NTSR1: variants seen among roughly 807,000 people sequenced by gnomAD.
NTSR1 encodes the protein neurotensin receptor type 1.
A neutral mutation model predicts 31.2 loss-of-function variants in NTSR1; 29 were observed. The ratio of observed to expected loss-of-function variants is 0.93; its 90% CI spans 0.69 to 1.27. The LOEUF is 1.27. Among genes scored for constraint, NTSR1 ranks in the 50% most tolerant of loss-of-function variants. NTSR1 has a pLI of 0.00. For missense variants in NTSR1, 697 were observed against 595.4 expected, an observed-to-expected ratio of 1.17 and a Z score of -1.78; for synonymous variants, 282 against 269.9, an observed-to-expected ratio of 1.04 and a Z score of -0.44.
In NTSR1 at chr20:62,743,569, C is replaced by A. The variant is rs911168783; in HGVS notation, c.715-11116C>A. On this transcript the variant is annotated intron_variant, in intron 1 of 3. Coordinates refer to ENST00000370501, the MANE Select transcript of NTSR1 (RefSeq NM_002531.3). This position sits in a 1 kb window ranked among gnomAD's most constrained non-coding sequence, Gnocchi z 7.5. Reference sequence around the variant, plus strand: ...AGCAAGGCCACCCCAGCGGTCACCCCCTTGGGAGGGTGTGGACAGGAGCCT... The same window carrying A: ...AGCAAGGCCACCCCAGCGGTCACCCACTTGGGAGGGTGTGGACAGGAGCCT... 6.6e-6 allele frequency among the ~76,000 whole-genome samples: 1 copy of A among 152,180 alleles called. No homozygotes were observed. Among genetic ancestry groups the A allele is most frequent in the Non-Finnish European group, 1.5e-5 (1 of 68,020 alleles).
At chr20:62,748,520 T>C (rs891558362) in intron 1 of NTSR1, among the ~76,000 whole-genome samples, 12 of 152,194 alleles carry the variant, frequency 7.9e-5, no homozygotes, top group Non-Finnish European at 1.6e-4. Context: ...CACTTCCTAA[T>C]TTCCTTTTAT....
intron 1 of NTSR1, among the ~76,000 whole-genome samples, chr20:62,717,300 G>A (rs1244907013): frequency 6.6e-6 from 1 of 152,252 alleles, no homozygotes. Context: ...ACCTGTGGGG[G>A]CTGTGTCCTA....
rs1032106259 is a variant in NTSR1 at position 62,709,050 on chromosome 20, G to A, written c.-158G>A. 7.5e-6 allele frequency: 4 copies of A among 532,590 alleles called. No homozygotes were observed. The highest frequency in any genetic ancestry group is 4.0e-5 in the African/African-American group (2 of 49,624). The allele number at this position is 532,590 out of a possible 1,614,324, so 33.0% of individuals were successfully genotyped here. ...CCCGGAGCCCGGGGCGGCGCGTCTG[G>A]GTCTGGCGCTTCCCGACTGGACGGC... On this transcript the variant is annotated 5_prime_UTR_variant, in exon 1 of 4. Transcript: ENST00000370501.
In NTSR1 at chr20:62,709,923, T is replaced by A. The variant is rs750977219; in HGVS notation, c.714+2T>A. 1 of 1,579,206 alleles carries A rather than the reference T, an allele frequency of 6.3e-7. No individual in the cohort carries two copies. Among genetic ancestry groups the A allele is most frequent in the East Asian group, 2.3e-5 (1 of 44,250 alleles). Reference sequence around the variant, plus strand: ...GCCACCGTCAAGGTCGTCATACAGGTGAGCCTCAGTAACCAGCCCCGGGGC... The same window carrying A: ...GCCACCGTCAAGGTCGTCATACAGGAGAGCCTCAGTAACCAGCCCCGGGGC... On this transcript the variant is annotated splice_donor_variant, in intron 1 of 3. Coordinates refer to ENST00000370501, the MANE Select transcript of NTSR1 (RefSeq NM_002531.3). LOFTEE classifies it high-confidence loss of function.
intron 1 of NTSR1, among the ~76,000 whole-genome samples, chr20:62,737,681 C>T (rs1450658187): frequency 7.2e-5 from 11 of 152,068 alleles, no homozygotes; most frequent in South Asian, 6.2e-4. Context: ...ATCTGCCCAT[C>T]GCCAGGTCCA....
intron 1 of NTSR1, among the ~76,000 whole-genome samples, chr20:62,718,368 G>A (rs75304698): frequency 7.9e-5 from 12 of 152,176 alleles, no homozygotes; most frequent in Admixed American, 7.8e-4. Context: ...AGGTGGCGGA[G>A]AGGGGTTGGA....
intron 1 of NTSR1, among the ~76,000 whole-genome samples, chr20:62,719,927 C>T (rs1437400475): frequency 6.6e-6 from 1 of 152,146 alleles, no homozygotes; most frequent in East Asian, 1.9e-4. Context: ...GGCATGATTT[C>T]CTCTTTAAAG....
rs774531811 is a variant in NTSR1, at chr20:62,709,312, C to G, written c.105C>G (p.Phe35Leu). Residue 35 changes from phenylalanine to leucine, a missense_variant, in exon 1 of 4, where the codon TTC (phenylalanine) becomes TTG (leucine). By Grantham distance (22) the Phe-to-Leu change is conservative. Coordinates refer to ENST00000370501, the MANE Select transcript of NTSR1 (RefSeq NM_002531.3). ...AGGAGGCGCTGCTGGCCCCGGGCTT[C>G]GGCAACGCTTCGGGCAACGCGTCGG... ...GLEEALLAPG[F>L]GNASGNASER... 9 of 1,605,070 alleles carry G rather than the reference C, an allele frequency of 5.6e-6. No homozygotes were observed. The highest frequency in any genetic ancestry group is 3.3e-5 in the South Asian group (3 of 90,550).
chr20:62,709,387 C>G lies in NTSR1; in HGVS notation c.180C>G (p.Ile60Met), dbSNP rs1448214093. ...PSSELDVNTD[I>M]YSKVLVTAVY... ...GCGAGCTGGACGTGAACACCGACAT[C>G]TACTCCAAGGTGCTGGTGACCGCCG... Residue 60 changes from isoleucine (I) to methionine (M), a missense_variant, in exon 1 of 4, where the codon ATC (isoleucine) becomes ATG (methionine). Physicochemically the swap from Ile to Met is conservative, Grantham distance 10 (BLOSUM62 1). Transcript: ENST00000370501. The G allele has an allele frequency of 1.9e-6, 3 of 1,608,864 alleles. No individual in the cohort carries two copies. Among genetic ancestry groups the G allele is most frequent in the Non-Finnish European group, 1.7e-6 (2 of 1,176,958 alleles).
chr20:62,740,391 G>A (rs532104280), intron 1 of NTSR1, among the ~76,000 whole-genome samples: 4 of 150,184 alleles, frequency 2.7e-5, no homozygotes, highest in East Asian at 4.0e-4. Context: ...CGCACAGGCC[G>A]GAAGGAAAAG....
chr20:62,734,242 C>A (rs1340347817), intron 1 of NTSR1, among the ~76,000 whole-genome samples: 1 of 151,018 alleles, frequency 6.6e-6, no homozygotes, highest in South Asian at 2.1e-4. Flanking sequence ...GCGGAGGCAG[C>A]GAGGTCTGGG....
rs915412526 is a variant in NTSR1 at position 62,715,437 on chromosome 20, G to T, written c.714+5516G>T. Among the ~76,000 whole-genome samples the T allele has an allele frequency of 6.6e-6, 1 of 152,252 alleles. No homozygotes were observed. The highest frequency in any genetic ancestry group is 2.4e-5 in the African/African-American group (1 of 41,468). The stretch of plus-strand genomic sequence containing the variant: ...GCCTGGAGGTGCTCTCAGAAGGGAA[G>T]GCCTAGCCTGACCCTGTGGTGCTCC... On this transcript the variant is annotated intron_variant, in intron 1 of 3. Transcript: ENST00000370501. The surrounding 1 kb of genome is among the most constrained non-coding windows in gnomAD (Gnocchi z 4.7).
chr20:62,710,988 G>A (rs1028592744), intron 1 of NTSR1, among the ~76,000 whole-genome samples: 12 of 152,132 alleles, frequency 7.9e-5, no homozygotes, highest in African/African-American at 1.4e-4. Flanking sequence ...CACCAGCATC[G>A]CCAGCCTCCC....
At chr20:62,746,404 C>T (rs1989302184) in intron 1 of NTSR1, among the ~76,000 whole-genome samples, 1 of 152,214 alleles carries the variant, frequency 6.6e-6, no homozygotes, top group African/African-American at 2.4e-5. Context: ...CCTGAAGTCA[C>T]TGCAGGTGGT....
chr20:62,753,231 C>G (rs1192134487), intron 1 of NTSR1, among the ~76,000 whole-genome samples: 1 of 152,226 alleles, frequency 6.6e-6, no homozygotes, highest in Non-Finnish European at 1.5e-5. Flanking sequence ...TCAGCCGGTG[C>G]CCAGAGGGGG....
Position 62,758,338 on chromosome 20 carries a change from CG to C in NTSR1, c.991del (p.Asp331MetfsTer18), listed in dbSNP as rs748805636. 6.2e-7 allele frequency: 1 copy of C among 1,613,542 alleles called. No individual in the cohort carries two copies. The highest frequency in any genetic ancestry group is 2.2e-5 in the East Asian group (1 of 44,882). ...HVRRLMFCYI[S>X]DEQWTPFLYD... ...CGGCGCCTCATGTTCTGCTACATCT[CG>C]GATGAGCAGTGGACTCCGTGAGTAC... is the stretch of plus-strand genomic sequence containing the variant. On this transcript the variant is annotated frameshift_variant, in exon 3 of 4. Transcript: ENST00000370501. LOFTEE classifies it high-confidence loss of function. This position sits in a 1 kb window ranked among gnomAD's most constrained non-coding sequence, Gnocchi z 4.5.
rs1397272509 is a variant in NTSR1, at chr20:62,714,734, C to A, written c.714+4813C>A. Among the ~76,000 whole-genome samples, 1 of 152,208 alleles carries A rather than the reference C, an allele frequency of 6.6e-6. No homozygotes were observed. The highest frequency in any genetic ancestry group is 1.5e-5 in the Non-Finnish European group (1 of 68,036). ...AAGAAACAGCTCCAAATAAACAACT[C>A]GTTCTGTTCTACAAACAGTGAGGGA... is the stretch of plus-strand genomic sequence containing the variant. On this transcript the variant is annotated intron_variant, in intron 1 of 3. Coordinates refer to ENST00000370501, the MANE Select transcript of NTSR1 (RefSeq NM_002531.3). This position sits in a 1 kb window ranked among gnomAD's most constrained non-coding sequence, Gnocchi z 4.1.
At chr20:62,756,225 A>G (rs1298268167) in intron 2 of NTSR1, among the ~76,000 whole-genome samples, 2 of 152,160 alleles carry the variant, frequency 1.3e-5, no homozygotes, top group African/African-American at 4.8e-5. Flanking sequence ...GGCAGCTGGG[A>G]GGGGCTCTCA....
At chr20:62,727,748 TCAGCAAA>T in intron 1 of NTSR1, among the ~76,000 whole-genome samples, 1 of 152,176 alleles carries the variant, frequency 6.6e-6, no homozygotes, top group East Asian at 1.9e-4. Flanking sequence ...AGCCCCTGGA[TCAGCAAA>T]TGGCCCCGGC....
Sources: gnomAD v4.1 joint callset for allele counts (sites outside exome capture counted in the v4.1 genomes callset) on GRCh38, gnomAD v4.1.1 for gene constraint, Gnocchi (gnomAD v3.1) non-coding constraint, MANE v1.5 for transcripts, NCBI Gene and HGNC (gene_info 2026-07-23, HGNC 2026-07-21) for gene names.